Variants in IPO11 observed in about 807,000 individuals in gnomAD.
IPO11 encodes importin-11.
A neutral mutation model predicts 143.2 loss-of-function variants in IPO11; 66 were observed. That is an observed-to-expected ratio of 0.46 (90% confidence interval 0.38 to 0.57). IPO11 has a LOEUF of 0.57. IPO11 is among the 20% of genes least tolerant of loss of function. The pLI, the probability that IPO11 is intolerant of heterozygous loss-of-function variation, is 0.00. For missense variants in IPO11, 1,026 were observed against 1,141.0 expected (o/e 0.90, Z 1.45); for synonymous variants, 385 against 377.8 (o/e 1.02, Z -0.22).
chr5:62,591,501 G>T (rs1467111039), intron 27 of IPO11, 76 bp from the exon 28 acceptor site: 2 of 773,536 alleles, frequency 2.6e-6, no homozygotes, highest in East Asian at 2.9e-5. Context: ...TGTTCGAGAA[G>T]ATGTTTAGGA....
chr5:62,456,654 T>G (rs1745169202), intron 5 of IPO11, among the ~76,000 whole-genome samples: 2 of 152,200 alleles, frequency 1.3e-5, no homozygotes, highest in Admixed American at 1.3e-4. Flanking sequence ...AATTTTTACT[T>G]CTGTCTTAAC....
At chr5:62,561,101 T>G in intron 26 of IPO11, 35 bp from the exon 27 acceptor site, 1 of 1,564,028 alleles carries the variant, frequency 6.4e-7, no homozygotes, top group Non-Finnish European at 8.7e-7. Context: ...AAACATATTT[T>G]AGGTATTTTG....
rs896241264 is a variant in IPO11 at position 62,598,834 on chromosome 5, C to T, written c.2679-2930C>T. On this transcript the variant is annotated intron_variant, in intron 28 of 29. Coordinates refer to ENST00000325324, the MANE Select transcript of IPO11 (RefSeq NM_016338.5). ...TGCTGGGATTACAGGTGTGACCCAC[C>T]GCACCTGGCCCATAAATCATTTCTT... 1.7e-4 allele frequency among the ~76,000 whole-genome samples: 26 copies of T among 151,836 alleles called. No homozygotes were observed. The Middle Eastern group carries it at 0.01, about 60-fold the overall frequency.
At chr5:62,508,248 A>T (rs1741626862) in intron 19 of IPO11, among the ~76,000 whole-genome samples, 1 of 151,284 alleles carries the variant, frequency 6.6e-6, no homozygotes, top group Admixed American at 6.6e-5. Context: ...TCTTGTCCTC[A>T]GCCTCCTGAG....
intron 24 of IPO11, among the ~76,000 whole-genome samples, chr5:62,548,981 ACTCACAGATAAATACT>A: frequency 6.6e-6 from 1 of 151,814 alleles, no homozygotes; most frequent in South Asian, 2.1e-4. Context: ...CTTACTTTCT[ACTCACAGATAAATACT>A]GTCTGGTGAT....
At chr5:62,617,256 G>T (rs1746175430) in intron 29 of IPO11, among the ~76,000 whole-genome samples, 1 of 152,200 alleles carries the variant, frequency 6.6e-6, no homozygotes, top group African/African-American at 2.4e-5. Flanking sequence ...GCATATCCAT[G>T]ACATTTAGAT....
At chr5:62,482,688 G>T (rs1746256250) in intron 9 of IPO11, among the ~76,000 whole-genome samples, 1 of 152,108 alleles carries the variant, frequency 6.6e-6, no homozygotes. Context: ...CTATAAAGAA[G>T]ACATCTCCCT....
chr5:62,595,348 T>A (rs1362400894), intron 28 of IPO11, among the ~76,000 whole-genome samples: 3 of 152,226 alleles, frequency 2.0e-5, no homozygotes, highest in Non-Finnish European at 4.4e-5. Flanking sequence ...TAGGTATGGC[T>A]AAAGAGGATT....
chr5:62,620,784 A>T (rs1746327470), intron 29 of IPO11, among the ~76,000 whole-genome samples: 1 of 152,226 alleles, frequency 6.6e-6, no homozygotes, highest in South Asian at 2.1e-4. Flanking sequence ...GTTGATGCTA[A>T]TACTGGAGAG....
At position 62,451,802 on chromosome 5, in the gene IPO11, A is replaced by G. The variant is rs775942999; in HGVS notation, c.385A>G (p.Ile129Val). 5.6e-6 allele frequency: 9 copies of G among 1,614,018 alleles called. No homozygotes were observed. The highest frequency in any genetic ancestry group is 7.6e-6 in the Non-Finnish European group (9 of 1,179,972). The change falls in exon 5 of 30, where the codon ATT becomes GTT. Residue 129 changes from isoleucine (I) to valine (V), a missense_variant. By Grantham distance (29) the Ile-to-Val change is conservative. Coordinates refer to ENST00000325324, the MANE Select transcript of IPO11 (RefSeq NM_016338.5). ...LDCPRQWPEL[I>V]PTLIESVKVQ... is the part of the protein sequence containing the mutation. Reference sequence around the variant, plus strand: ...TTGTCCCAGACAGTGGCCTGAACTAATTCCCACTCTTATAGAGTCTGTTAA... The same window carrying G: ...TTGTCCCAGACAGTGGCCTGAACTAGTTCCCACTCTTATAGAGTCTGTTAA...
chr5:62,581,134 A>G, intron 27 of IPO11: 1 of 1,550,258 alleles, frequency 6.5e-7, no homozygotes, highest in Non-Finnish European at 8.7e-7. Flanking sequence ...AAGGGAAAAT[A>G]GACTTGAATA....
intron 24 of IPO11, among the ~76,000 whole-genome samples, chr5:62,538,154 T>C (rs921015757): frequency 6.6e-6 from 1 of 152,228 alleles, no homozygotes; most frequent in African/African-American, 2.4e-5. Context: ...ATCGTGGCAT[T>C]GCTTTAGAGC....
chr5:62,490,088 AT>A, intron 14 of IPO11, 26 bp from the exon 15 acceptor site: 4 of 1,429,932 alleles, frequency 2.8e-6, no homozygotes, highest in Admixed American at 2.3e-5. Context: ...GAAACCTTTA[AT>A]TTTTTTTCTT....
At chr5:62,480,482 C>A (rs548617566) in intron 9 of IPO11, among the ~76,000 whole-genome samples, 2 of 152,226 alleles carry the variant, frequency 1.3e-5, no homozygotes, top group Admixed American at 1.3e-4. Context: ...TGAAGAAAGT[C>A]ATTGGTAGCT....
chr5:62,496,183 G>A (rs921923679), intron 16 of IPO11, among the ~76,000 whole-genome samples: 1 of 151,944 alleles, frequency 6.6e-6, no homozygotes, highest in African/African-American at 2.4e-5. Flanking sequence ...AGTTACTTGG[G>A]AGGCCGAGGC....
At chr5:62,532,114 A>G (rs2112315485) in intron 22 of IPO11, among the ~76,000 whole-genome samples, 1 of 152,298 alleles carries the variant, frequency 6.6e-6, no homozygotes, top group South Asian at 2.1e-4. Context: ...CTGCTTCCAC[A>G]TATGTGTGAT....
chr5:62,620,698 A>G (rs1314958375), intron 29 of IPO11, among the ~76,000 whole-genome samples: 2 of 152,184 alleles, frequency 1.3e-5, no homozygotes, highest in East Asian at 3.9e-4. Context: ...AAGTTTTATC[A>G]TGCAGATGAA....
At chr5:62,437,249 A>C (rs757812188) in intron 1 of IPO11, 25 bp from the exon 2 acceptor site, 1 of 1,560,524 alleles carries the variant, frequency 6.4e-7, no homozygotes, top group African/African-American at 1.4e-5. Context: ...ATACATATTC[A>C]AGTATGTTAA....
chr5:62,413,434 T>G (rs1338442553), intron 1 of IPO11: 2 of 152,214 alleles, frequency 1.3e-5, no homozygotes, highest in Non-Finnish European at 2.9e-5. Flanking sequence ...GAGAGGAGCT[T>G]CATGGAGAGG....
Sources: allele counts gnomAD v4.1 joint callset (sites outside exome capture counted in the v4.1 genomes callset), GRCh38; gene constraint gnomAD v4.1.1; transcripts MANE v1.5; gene names NCBI Gene and HGNC (gene_info 2026-07-23, HGNC 2026-07-21).